CADPS2: variants seen among roughly 807,000 people sequenced by gnomAD.
CADPS2 encodes the protein calcium dependent secretion activator 2, also known as calcium-dependent secretion activator 2.
A neutral mutation model predicts 172.5 loss-of-function variants in CADPS2; 93 were observed. The ratio of observed to expected loss-of-function variants is 0.54; its 90% CI spans 0.46 to 0.64. CADPS2 has a LOEUF of 0.64. Ranked by LOEUF, CADPS2 falls within the 30% of genes least tolerant of loss-of-function variation. CADPS2 has a pLI of 0.00. For missense variants in CADPS2, 1,420 were observed against 1,565.9 expected (o/e 0.91, Z 1.57); for synonymous variants, 546 against 555.2 (o/e 0.98, Z 0.23).
intron 29 of CADPS2, among the ~76,000 whole-genome samples, chr7:122,323,344 TA>T (rs2033004628): frequency 1.3e-5 from 2 of 152,086 alleles, no homozygotes; most frequent in African/African-American, 4.8e-5. Context: ...ATTGGTCAAA[TA>T]TTGATCATTA....
intron 7 of CADPS2, among the ~76,000 whole-genome samples, chr7:122,565,698 CTTTA>C (rs1435532726): frequency 6.6e-6 from 1 of 152,090 alleles, no homozygotes; most frequent in Non-Finnish European, 1.5e-5. Flanking sequence ...TTTTTTCCAG[CTTTA>C]TTGAGGTATA....
chr7:122,602,629 A>C (rs1265242433), intron 6 of CADPS2, among the ~76,000 whole-genome samples: 1 of 151,960 alleles, frequency 6.6e-6, no homozygotes, highest in Non-Finnish European at 1.5e-5. Flanking sequence ...AAGGCATGAG[A>C]CAGTATGGCA....
At chr7:122,706,748 AAT>A (rs568818518) in intron 2 of CADPS2, among the ~76,000 whole-genome samples, 51 of 146,042 alleles carry the variant, frequency 3.5e-4, no homozygotes, top group African/African-American at 1.0e-3. Context: ...AAGAGCAAGG[AAT>A]ATATATATAT....
intron 12 of CADPS2, among the ~76,000 whole-genome samples, chr7:122,475,965 T>C (rs1005984216): frequency 3.3e-5 from 5 of 152,170 alleles, no homozygotes; most frequent in African/African-American, 1.2e-4. Flanking sequence ...CCTGAACTAA[T>C]ATACAATTGA....
At position 122,387,040 on chromosome 7, in the gene CADPS2, C is replaced by T; in HGVS notation, c.3298G>A (p.Asp1100Asn). ...ATTCTACATACCTCTTGTCCTCCATCCAGGGCACAGAGTTTGGTGCTTTGC... is the reference window on the plus strand; with the variant it reads ...ATTCTACATACCTCTTGTCCTCCATTCAGGGCACAGAGTTTGGTGCTTTGC... ...KKQSTKLCALDGGQEQQYHSK... is the reference protein window; with the variant it reads ...KKQSTKLCALNGGQEQQYHSK... The change falls in exon 24 of 30, where the codon GAT becomes AAT. Residue 1100 changes from aspartate (D) to asparagine (N), a missense_variant. Asp to Asn is a conservative substitution (Grantham distance 23, BLOSUM62 1). Transcript: ENST00000449022. The T allele has an allele frequency of 1.3e-6, 2 of 1,557,756 alleles. No homozygotes were observed. Among genetic ancestry groups the T allele is most frequent in the Admixed American group, 3.9e-5 (2 of 51,880 alleles).
intron 1 of CADPS2, among the ~76,000 whole-genome samples, chr7:122,848,866 G>A (rs1252473411): frequency 5.3e-5 from 8 of 152,050 alleles, no homozygotes; most frequent in Non-Finnish European, 1.0e-4. Context: ...CTAGGAACCT[G>A]GGGATTTACA....
intron 3 of CADPS2, among the ~76,000 whole-genome samples, chr7:122,650,226 T>C (rs1380444787): frequency 1.3e-5 from 2 of 151,700 alleles, no homozygotes; most frequent in Non-Finnish European, 2.9e-5. Context: ...CATTTTTGAA[T>C]AAATAAAAGA....
In CADPS2 at chr7:122,325,423, C is replaced by T. The variant is rs141376575; in HGVS notation, c.3717+54G>A. 751 of 1,131,752 alleles carry T rather than the reference C, an allele frequency of 6.6e-4. 2 individuals are homozygous for T. In the African/African-American group the frequency reaches 0.01, roughly 15 times the overall value. The allele number at this position is 1,131,752 out of a possible 1,614,324, so 70.1% of individuals were successfully genotyped here. On this transcript the variant is annotated intron_variant, in intron 29 of 29. Transcript: ENST00000449022. ...AGTTTTCTTGTATGTCAGTATCTTGCCATTATTCCTTATAGCTTAGTGGGC... is the reference window on the plus strand; with the variant it reads ...AGTTTTCTTGTATGTCAGTATCTTGTCATTATTCCTTATAGCTTAGTGGGC...
At chr7:122,398,855 C>G (rs1439944466) in intron 20 of CADPS2, among the ~76,000 whole-genome samples, 1 of 148,752 alleles carries the variant, frequency 6.7e-6, no homozygotes, top group Non-Finnish European at 1.5e-5. Flanking sequence ...AGTAGGCACT[C>G]TATAAATGTC....
rs1406769799 is a variant in CADPS2, at chr7:122,882,401, T to C, written c.339+3598A>G. ...TACCCTCTTATTTCTAGTTAAAAAA[T>C]ACATAAAAACTCAAATAATGAAAAG... On this transcript the variant is annotated intron_variant, in intron 1 of 29. Transcript: ENST00000449022. Among the ~76,000 whole-genome samples the C allele has an allele frequency of 2.0e-5, 3 of 152,042 alleles. No homozygotes were observed. The East Asian group carries it at 5.8e-4, about 29-fold the overall frequency.
intron 17 of CADPS2, among the ~76,000 whole-genome samples, chr7:122,431,814 C>T (rs903930209): frequency 6.6e-6 from 1 of 151,710 alleles, no homozygotes; most frequent in East Asian, 2.0e-4. Flanking sequence ...CATGGTGAAA[C>T]CCCGGCTCTA....
intron 1 of CADPS2, among the ~76,000 whole-genome samples, chr7:122,867,227 AT>A (rs1563208669): frequency 6.6e-6 from 1 of 152,052 alleles, no homozygotes. Flanking sequence ...TGCTTAATCC[AT>A]CTCCTCTACT....
chr7:122,333,808 C>A (rs1250793423), intron 28 of CADPS2, among the ~76,000 whole-genome samples: 1 of 151,974 alleles, frequency 6.6e-6, no homozygotes, highest in African/African-American at 2.4e-5. Flanking sequence ...ATCTCCAGCC[C>A]TTAGTAGAAT....
chr7:122,463,929 G>C (rs994022730), intron 14 of CADPS2, among the ~76,000 whole-genome samples: 1 of 152,146 alleles, frequency 6.6e-6, no homozygotes, highest in Non-Finnish European at 1.5e-5. Context: ...ATTCCAGTTG[G>C]AGACGTCAGT....
chr7:122,655,164 T>C (rs191972446), intron 3 of CADPS2, among the ~76,000 whole-genome samples: 3 of 152,324 alleles, frequency 2.0e-5, no homozygotes, highest in Admixed American at 2.0e-4. Flanking sequence ...CTAGTGAAGA[T>C]GCTGTGAACA....
chr7:122,860,986 C>T (rs1012058531), intron 1 of CADPS2, among the ~76,000 whole-genome samples: 1 of 152,164 alleles, frequency 6.6e-6, no homozygotes, highest in East Asian at 1.9e-4. Flanking sequence ...ACCATATTTG[C>T]TTTATCCAGT....
At chr7:122,476,926 T>G (rs1188876910) in intron 12 of CADPS2, among the ~76,000 whole-genome samples, 1 of 115,850 alleles carries the variant, frequency 8.6e-6, no homozygotes, top group African/African-American at 3.4e-5. Flanking sequence ...ATGGAAGAAA[T>G]AAATAAAAAA....
At chr7:122,322,506 T>C (rs2032795837) in intron 29 of CADPS2, among the ~76,000 whole-genome samples, 1 of 152,250 alleles carries the variant, frequency 6.6e-6, no homozygotes, top group South Asian at 2.1e-4. Context: ...TGGTTGGCTC[T>C]TGCTTAAGAC....
intron 3 of CADPS2, among the ~76,000 whole-genome samples, chr7:122,649,898 A>ATTTTTTTC (rs2078958650): frequency 1.9e-5 from 1 of 51,974 alleles, no homozygotes; most frequent in Non-Finnish European, 3.3e-5. Context: ...GTATTCAATG[A>ATTTTTTTC]TTTTTTTTTT....
Sources: allele counts gnomAD v4.1 joint callset (sites outside exome capture counted in the v4.1 genomes callset), GRCh38; gene constraint gnomAD v4.1.1; transcripts MANE v1.5; gene names NCBI Gene and HGNC (gene_info 2026-07-23, HGNC 2026-07-21).